The following CHRM2 variants were observed in gnomAD, a reference collection of about 807,000 sequenced individuals.
CHRM2 encodes cholinergic receptor muscarinic 2.
A neutral mutation model predicts 25.0 loss-of-function variants in CHRM2; 8 were observed. That is an observed-to-expected ratio of 0.32 (90% confidence interval 0.19 to 0.58). The LOEUF (loss-of-function observed/expected upper bound fraction) is 0.58. Among genes scored for constraint, CHRM2 ranks in the 20% least tolerant of loss-of-function variants. CHRM2 has a pLI of 0.88. For synonymous variants in CHRM2, 202 were observed against 205.7 expected (o/e 0.98, Z 0.15); for missense variants, 440 against 567.1 (o/e 0.78, Z 2.28).
intron 2 of CHRM2, among the ~76,000 whole-genome samples, chr7:136,977,106 A>G (rs749887986): frequency 1.3e-5 from 2 of 152,342 alleles, no homozygotes; most frequent in Admixed American, 1.3e-4. Flanking sequence ...TTGCTTTGGA[A>G]TCCAAGAGAA....
intron 2 of CHRM2, among the ~76,000 whole-genome samples, chr7:136,967,381 TA>T (rs768561617): frequency 2.0e-5 from 3 of 152,100 alleles, no homozygotes; most frequent in South Asian, 4.1e-4. Context: ...ATAATCTACA[TA>T]GGGGAGAGAA....
rs1289301283 is a variant in CHRM2 at position 137,019,836 on chromosome 7, T to C, written c.*3570T>C. Reference sequence around the variant, plus strand: ...GCTCTTTGTTCATTTGCTTTTTTGATCCTGAAGATCTGACATTGGGAGAGA... The same window carrying C: ...GCTCTTTGTTCATTTGCTTTTTTGACCCTGAAGATCTGACATTGGGAGAGA... On this transcript the variant is annotated 3_prime_UTR_variant, in exon 4 of 4. Coordinates refer to ENST00000680005, the MANE Select transcript of CHRM2 (RefSeq NM_001006630.2). 6.6e-6 allele frequency: 1 copy of C among 151,892 alleles called. No individual in the cohort carries two copies. Among genetic ancestry groups the C allele is most frequent in the Admixed American group, 6.6e-5 (1 of 15,200 alleles). The allele number at this position is 151,892 out of a possible 1,614,324, so 9.4% of individuals were successfully genotyped here.
chr7:137,011,215 G>GTGTGTGTGTGTGTATATATATA, intron 3 of CHRM2, among the ~76,000 whole-genome samples: 169 of 134,308 alleles, frequency 1.3e-3, no homozygotes, highest in Non-Finnish European at 1.8e-3. Flanking sequence ...GTGTGTGTGT[G>GTGTGTGTGTGTGTATATATATA]TATATATATA....
chr7:136,954,401 G>A (rs1404602857), intron 2 of CHRM2, among the ~76,000 whole-genome samples: 1 of 152,150 alleles, frequency 6.6e-6, no homozygotes, highest in Non-Finnish European at 1.5e-5. Context: ...TCAAAAGAAA[G>A]TAAGTTATTT....
intron 2 of CHRM2, among the ~76,000 whole-genome samples, chr7:136,919,730 C>T (rs1370700386): frequency 6.6e-6 from 1 of 152,088 alleles, no homozygotes; most frequent in Non-Finnish European, 1.5e-5. Flanking sequence ...AGCCCTTTCT[C>T]TCCATTTCTA....
At chr7:136,937,844 A>G (rs1261886579) in intron 2 of CHRM2, among the ~76,000 whole-genome samples, 2 of 152,208 alleles carry the variant, frequency 1.3e-5, no homozygotes, top group Non-Finnish European at 2.9e-5. Flanking sequence ...GGGGAAACAG[A>G]ACTCAAATTT....
chr7:136,898,511 ATG>A (rs3068413), intron 2 of CHRM2, among the ~76,000 whole-genome samples: 108,478 of 150,182 alleles, frequency 0.72, 39,743 homozygotes, highest in African/African-American at 0.81. Flanking sequence ...GTGTGTTTGC[ATG>A]TGTGTGTGTG....
chr7:136,979,447 T>G (rs1403552487), intron 2 of CHRM2, among the ~76,000 whole-genome samples: 2 of 152,214 alleles, frequency 1.3e-5, no homozygotes, highest in African/African-American at 2.4e-5. Flanking sequence ...CTCTTTAGTT[T>G]AATTAGATCC....
At chr7:137,001,658 T>C (rs1183864873) in intron 3 of CHRM2, among the ~76,000 whole-genome samples, 1 of 152,064 alleles carries the variant, frequency 6.6e-6, no homozygotes, top group African/African-American at 2.4e-5. Context: ...TCTCAGCAGG[T>C]TGTGGGGGGC....
At chr7:136,947,031 C>A (rs758608538) in intron 2 of CHRM2, among the ~76,000 whole-genome samples, 10 of 152,152 alleles carry the variant, frequency 6.6e-5, no homozygotes, top group African/African-American at 9.7e-5. Flanking sequence ...TTGAAATATT[C>A]GTCCAGATAA....
chr7:136,905,275 T>C (rs1797469572), intron 2 of CHRM2, among the ~76,000 whole-genome samples: 1 of 151,800 alleles, frequency 6.6e-6, no homozygotes, highest in Non-Finnish European at 1.5e-5. Flanking sequence ...ATTTTCTTTG[T>C]TGAAAAGGGC....
chr7:136,941,512 T>C lies in CHRM2; in HGVS notation c.-124-50675T>C, dbSNP rs188337051. On this transcript the variant is annotated intron_variant, in intron 2 of 3. Coordinates refer to ENST00000680005, the MANE Select transcript of CHRM2 (RefSeq NM_001006630.2). ...ATAATTGAAGTGAAGCAAAGTGCGT[T>C]GTCCTGCACAGCTCAGTGTTCTCCC... Among the ~76,000 whole-genome samples the C allele has an allele frequency of 4.0e-3, 603 of 152,334 alleles. 1 individual carries two copies. Among genetic ancestry groups the C allele is most frequent in the Non-Finnish European group, 5.6e-3 (383 of 68,016 alleles).
chr7:136,962,531 C>T (rs532525309), intron 2 of CHRM2, among the ~76,000 whole-genome samples: 6 of 152,254 alleles, frequency 3.9e-5, no homozygotes, highest in African/African-American at 1.4e-4. Flanking sequence ...AACAGGTAGT[C>T]ATGCCCTGTT....
Position 137,018,865 on chromosome 7 carries a change from C to A in CHRM2, c.*2599C>A, listed in dbSNP as rs1279473424. On this transcript the variant is annotated 3_prime_UTR_variant, in exon 4 of 4. Transcript: ENST00000680005. The stretch of plus-strand genomic sequence containing the variant: ...ATTGGAGAGATATGGAGATTATATT[C>A]AAGGATTTTTATTAACCACTGCTGG... The A allele has an allele frequency of 6.6e-6, 1 of 151,874 alleles. No individual in the cohort carries two copies. The highest frequency in any genetic ancestry group is 1.5e-5 in the Non-Finnish European group (1 of 67,916). The allele number at this position is 151,874 out of a possible 1,614,324, so 9.4% of individuals were successfully genotyped here.
chr7:136,928,198 A>G (rs1029085999), intron 2 of CHRM2, among the ~76,000 whole-genome samples: 2 of 152,162 alleles, frequency 1.3e-5, no homozygotes, highest in African/African-American at 4.8e-5. Context: ...AGAAAGAAAA[A>G]AGTTGCCATA....
At chr7:137,009,793 AAG>A (rs1804685306) in intron 3 of CHRM2, among the ~76,000 whole-genome samples, 1 of 152,090 alleles carries the variant, frequency 6.6e-6, no homozygotes, top group African/African-American at 2.4e-5. Context: ...AATTATGCTC[AAG>A]ACATGTTAAT....
intron 2 of CHRM2, among the ~76,000 whole-genome samples, chr7:136,916,786 A>G (rs1563064345): frequency 6.6e-6 from 1 of 151,634 alleles, no homozygotes. Context: ...TCTTATTAAA[A>G]TTTAGTATTG....
At chr7:136,931,143 G>T (rs1355713905) in intron 2 of CHRM2, among the ~76,000 whole-genome samples, 1 of 152,036 alleles carries the variant, frequency 6.6e-6, no homozygotes, top group Non-Finnish European at 1.5e-5. Context: ...GAATCTTTTT[G>T]GAAGTGAGTG....
At chr7:136,979,352 G>T in intron 2 of CHRM2, among the ~76,000 whole-genome samples, 1 of 152,122 alleles carries the variant, frequency 6.6e-6, no homozygotes, top group East Asian at 1.9e-4. Context: ...TTAGTGCTTT[G>T]TCAGATGGAT....
Sources: gnomAD v4.1 joint callset for allele counts (sites outside exome capture counted in the v4.1 genomes callset) on GRCh38, gnomAD v4.1.1 for gene constraint, MANE v1.5 for transcripts, NCBI Gene and HGNC (gene_info 2026-07-23, HGNC 2026-07-21) for gene names.